IGF2BP3: variants seen among roughly 807,000 people sequenced by gnomAD.
IGF2BP3 encodes the protein insulin like growth factor 2 mRNA binding protein 3, also known as insulin-like growth factor 2 mRNA-binding protein 3.
A neutral mutation model predicts 73.8 loss-of-function variants in IGF2BP3; 9 were observed. The observed-to-expected ratio is 0.12, with a 90% CI of 0.07 to 0.21. The LOEUF (loss-of-function observed/expected upper bound fraction) is 0.21. IGF2BP3 is among the 10% of genes least tolerant of loss of function. IGF2BP3 has a pLI of 1.00. For synonymous variants in IGF2BP3, 258 were observed against 256.7 expected (o/e 1.01, Z -0.05); for missense variants, 542 against 714.0 (o/e 0.76, Z 2.75).
chr7:23,347,931 T>C, intron 6 of IGF2BP3, 197 bp from the exon 7 acceptor site: 1 of 552,858 alleles, frequency 1.8e-6, no homozygotes, highest in Admixed American at 3.4e-5. Context: ...AACATTCCCC[T>C]TTCTCTTTCC....
chr7:23,377,315 G>A (rs1416811297), intron 3 of IGF2BP3, among the ~76,000 whole-genome samples: 1 of 152,116 alleles, frequency 6.6e-6, no homozygotes, highest in Non-Finnish European at 1.5e-5. Flanking sequence ...TTATGCAGAG[G>A]AAGTGAATAG....
chr7:23,444,279 T>C (rs1326170738), intron 2 of IGF2BP3, among the ~76,000 whole-genome samples: 1 of 152,176 alleles, frequency 6.6e-6, no homozygotes, highest in African/African-American at 2.4e-5. Flanking sequence ...ACCTAAGATA[T>C]TATTAATATC....
intron 2 of IGF2BP3, among the ~76,000 whole-genome samples, chr7:23,464,552 C>T (rs1030059825): frequency 2.6e-5 from 4 of 151,910 alleles, no homozygotes; most frequent in African/African-American, 7.3e-5. Flanking sequence ...GGCATGGTGG[C>T]GCATGCCTGT....
At chr7:23,435,754 C>T (rs1358841115) in intron 2 of IGF2BP3, among the ~76,000 whole-genome samples, 1 of 151,638 alleles carries the variant, frequency 6.6e-6, no homozygotes, top group South Asian at 2.1e-4. Context: ...CTGTGCCTGG[C>T]CTTTTTGTCT....
intron 2 of IGF2BP3, among the ~76,000 whole-genome samples, chr7:23,434,347 A>C (rs6975997): frequency 6.6e-6 from 1 of 152,282 alleles, no homozygotes; most frequent in East Asian, 1.9e-4. Flanking sequence ...GATCATTATC[A>C]AATTATACCA....
Position 23,347,685 on chromosome 7 carries a change from T to C in IGF2BP3, c.733A>G (p.Thr245Ala). 2 of 1,614,132 alleles carry C rather than the reference T, an allele frequency of 1.2e-6. No homozygotes were observed. Among genetic ancestry groups the C allele is most frequent in the Non-Finnish European group, 1.7e-6 (2 of 1,180,020 alleles). ...GTGCCTTCAGGAGTAGAGAGGATAG[T>C]AATCGACTTCTCAGCAGCCCCCGCA... is the stretch of plus-strand genomic sequence containing the variant. ...ENAGAAEKSITILSTPEGTSA... is the reference protein window; with the variant it reads ...ENAGAAEKSIAILSTPEGTSA... Residue 245 changes from threonine to alanine, a missense_variant, in exon 7 of 15, where the codon ACT (threonine) becomes GCT (alanine). Coordinates refer to ENST00000258729, the MANE Select transcript of IGF2BP3 (RefSeq NM_006547.3).
At chr7:23,359,234 C>A (rs1785167143) in intron 5 of IGF2BP3, among the ~76,000 whole-genome samples, 1 of 152,160 alleles carries the variant, frequency 6.6e-6, no homozygotes, top group African/African-American at 2.4e-5. Context: ...GCCAGTCTAC[C>A]TTTCCTGTGC....
At chr7:23,327,455 G>C (rs962980982) in intron 10 of IGF2BP3, among the ~76,000 whole-genome samples, 1 of 151,662 alleles carries the variant, frequency 6.6e-6, no homozygotes, top group Admixed American at 6.6e-5. Context: ...TAATTTTTTT[G>C]TATTTTTAGT....
chr7:23,318,799 G>T (rs1314221894), intron 11 of IGF2BP3, among the ~76,000 whole-genome samples: 3 of 152,130 alleles, frequency 2.0e-5, no homozygotes, highest in Non-Finnish European at 4.4e-5. Flanking sequence ...CTACTGGCTG[G>T]GCAACAGACC....
intron 2 of IGF2BP3, among the ~76,000 whole-genome samples, chr7:23,448,615 C>CTGTTTGTTTGTT (rs36159876): frequency 2.8e-4 from 43 of 151,072 alleles, no homozygotes; most frequent in African/African-American, 1.0e-3. Flanking sequence ...GTTGCCCAGG[C>CTGTTTGTTTGTT]TGTTTGTTTG....
intron 3 of IGF2BP3, among the ~76,000 whole-genome samples, chr7:23,400,784 A>G (rs528111989): frequency 2.0e-4 from 31 of 152,324 alleles, no homozygotes; most frequent in African/African-American, 7.5e-4. Flanking sequence ...GAAGAGCAGA[A>G]GTATTTAAGA....
chr7:23,364,183 C>A (rs770861196), intron 3 of IGF2BP3, among the ~76,000 whole-genome samples: 6 of 151,784 alleles, frequency 4.0e-5, no homozygotes, highest in Non-Finnish European at 8.8e-5. Context: ...AGAGCAGCCT[C>A]ATCAACATGG....
intron 2 of IGF2BP3, among the ~76,000 whole-genome samples, chr7:23,445,791 C>A (rs1166443727): frequency 6.6e-6 from 1 of 152,074 alleles, no homozygotes; most frequent in Non-Finnish European, 1.5e-5. Context: ...GTGACATACA[C>A]AACATACAAT....
intron 9 of IGF2BP3, among the ~76,000 whole-genome samples, chr7:23,343,087 T>C (rs1421268761): frequency 6.6e-6 from 1 of 152,222 alleles, no homozygotes; most frequent in Non-Finnish European, 1.5e-5. Flanking sequence ...TTCAGCACCA[T>C]TTCACTGATT....
At chr7:23,326,386 A>G (rs1471450037) in intron 10 of IGF2BP3, among the ~76,000 whole-genome samples, 1 of 152,216 alleles carries the variant, frequency 6.6e-6, no homozygotes, top group African/African-American at 2.4e-5. Flanking sequence ...CACACCAGCT[A>G]GAATGGCAAT....
At chr7:23,337,529 A>G (rs1432077008) in intron 10 of IGF2BP3, among the ~76,000 whole-genome samples, 2 of 152,222 alleles carry the variant, frequency 1.3e-5, no homozygotes, top group Non-Finnish European at 2.9e-5. Flanking sequence ...CTTTAGTAAC[A>G]GATCCTGTGT....
intron 3 of IGF2BP3, among the ~76,000 whole-genome samples, chr7:23,373,637 G>A (rs1785626407): frequency 1.3e-5 from 2 of 152,140 alleles, no homozygotes; most frequent in African/African-American, 2.4e-5. Context: ...AAACAGTACA[G>A]CAGTTCCTCA....
chr7:23,424,537 T>A (rs1787444884), intron 2 of IGF2BP3, among the ~76,000 whole-genome samples: 1 of 152,146 alleles, frequency 6.6e-6, no homozygotes, highest in Non-Finnish European at 1.5e-5. Flanking sequence ...CCCACTCTGC[T>A]AGAAATATTA....
chr7:23,320,573 C>T (rs1364376457), intron 10 of IGF2BP3, among the ~76,000 whole-genome samples: 2 of 148,424 alleles, frequency 1.3e-5, no homozygotes, highest in African/African-American at 2.5e-5. Context: ...AAGCTAGTTC[C>T]AAGACACATA....
Sources: gnomAD v4.1 joint callset for allele counts (sites outside exome capture counted in the v4.1 genomes callset) on GRCh38, gnomAD v4.1.1 for gene constraint, MANE v1.5 for transcripts, NCBI Gene and HGNC (gene_info 2026-07-23, HGNC 2026-07-21) for gene names.